Variants in ELMO1 observed in about 807,000 individuals in gnomAD.
The protein encoded by ELMO1 is engulfment and cell motility protein 1.
In ELMO1, 26 loss-of-function variants were observed where a neutral mutation model predicts 98.9. The ratio of observed to expected loss-of-function variants is 0.26; its 90% CI spans 0.19 to 0.36. The LOEUF (loss-of-function observed/expected upper bound fraction) is 0.36. ELMO1 is among the 10% of genes least tolerant of loss of function. The pLI is 1.00. For missense variants in ELMO1, 627 were observed against 935.2 expected, an observed-to-expected ratio of 0.67 and a Z score of 4.30; for synonymous variants, 346 against 346.0, an observed-to-expected ratio of 1.00 and a Z score of 0.00.
intron 15 of ELMO1, among the ~76,000 whole-genome samples, chr7:37,022,191 C>T (rs776908381): frequency 1.2e-4 from 18 of 152,100 alleles, no homozygotes; most frequent in African/African-American, 3.6e-4. Flanking sequence ...TTAAGGTGGG[C>T]GAAAGTTTCT....
chr7:37,120,312 C>T (rs757843627), intron 14 of ELMO1, among the ~76,000 whole-genome samples: 12 of 152,222 alleles, frequency 7.9e-5, no homozygotes, highest in African/African-American at 9.7e-5. Flanking sequence ...AAGCGTGACC[C>T]GAAGCAGGGA....
chr7:37,283,914 G>T (rs1236638769), intron 4 of ELMO1, among the ~76,000 whole-genome samples: 1 of 152,208 alleles, frequency 6.6e-6, no homozygotes, highest in Non-Finnish European at 1.5e-5. Flanking sequence ...GCCTGCTCTT[G>T]GTCTTTAGTT....
At chr7:37,061,311 T>C (rs1428229512) in intron 15 of ELMO1, among the ~76,000 whole-genome samples, 1 of 152,202 alleles carries the variant, frequency 6.6e-6, no homozygotes, top group Non-Finnish European at 1.5e-5. Context: ...AGAGTTAGCC[T>C]TCCTTCAAAG....
rs1158609078 is a variant in ELMO1 at position 37,165,272 on chromosome 7, T to G, written c.1087-32038A>C. Reference sequence around the variant, plus strand: ...GGGGTTTTCTAGATATTCAATCATGTCATCTGCAAACAGGGACAATTTGAC... The same window carrying G: ...GGGGTTTTCTAGATATTCAATCATGGCATCTGCAAACAGGGACAATTTGAC... On this transcript the variant is annotated intron_variant, in intron 13 of 21. Transcript: ENST00000310758. 2.6e-5 allele frequency among the ~76,000 whole-genome samples: 4 copies of G among 152,298 alleles called. No homozygotes were observed. The East Asian group carries it at 7.7e-4, about 29-fold the overall frequency.
At chr7:37,308,546 T>C (rs1798731621) in intron 4 of ELMO1, among the ~76,000 whole-genome samples, 2 of 152,212 alleles carry the variant, frequency 1.3e-5, no homozygotes, top group African/African-American at 4.8e-5. Context: ...GACACTCACA[T>C]TTCTCCTTTG....
At chr7:37,178,288 C>T (rs575867524) in intron 13 of ELMO1, among the ~76,000 whole-genome samples, 4 of 152,080 alleles carry the variant, frequency 2.6e-5, no homozygotes, top group South Asian at 2.1e-4. Context: ...AAAGGGGAAA[C>T]GTCTTACAAA....
chr7:37,165,382 C>T lies in ELMO1; in HGVS notation c.1087-32148G>A, dbSNP rs367719885. On this transcript the variant is annotated intron_variant, in intron 13 of 21. Transcript: ENST00000310758. Reference sequence around the variant, plus strand: ...GAACTTCCAACACTATGTTGAATAGCAGTGGTGAGAGAGGGCATCCCTGTC... The same window carrying T: ...GAACTTCCAACACTATGTTGAATAGTAGTGGTGAGAGAGGGCATCCCTGTC... 3.3e-5 allele frequency among the ~76,000 whole-genome samples: 5 copies of T among 151,764 alleles called. No homozygotes were observed. The South Asian group carries it at 6.3e-4, about 19-fold the overall frequency.
intron 2 of ELMO1, 109 bp from the exon 3 acceptor site, chr7:37,316,069 TTG>T: frequency 2.2e-6 from 2 of 909,296 alleles, no homozygotes; most frequent in Non-Finnish European, 3.4e-6. Flanking sequence ...GAATTTACAT[TTG>T]CTATTCTTAG....
intron 16 of ELMO1, among the ~76,000 whole-genome samples, chr7:36,914,809 G>A (rs2129069265): frequency 6.6e-6 from 1 of 152,244 alleles, no homozygotes. Flanking sequence ...ACCGCACCCA[G>A]CCGAAATGAA....
chr7:36,973,595 G>C (rs928660932), intron 16 of ELMO1, among the ~76,000 whole-genome samples: 1 of 152,134 alleles, frequency 6.6e-6, no homozygotes, highest in Non-Finnish European at 1.5e-5. Flanking sequence ...AGTCCTCACA[G>C]CCCTCGCTCG....
Position 37,096,635 on chromosome 7 carries a change from C to T in ELMO1, c.1284G>A (p.Leu428=), listed in dbSNP as rs1156463926. ...IELTKMLCEI[L]KVGELPSETC... ...TATACTTACGCAACTCGCCCACTTT[C>T]AAGATCTCACATAGCATCTTGGTCA... Residue 428 remains leucine, a synonymous_variant, in exon 15 of 22, where the codon TTG becomes TTA. Coordinates refer to ENST00000310758, the MANE Select transcript of ELMO1 (RefSeq NM_014800.11). 1.9e-6 allele frequency: 3 copies of T among 1,614,138 alleles called. No homozygotes were observed. In the Admixed American group the frequency reaches 5.0e-5, roughly 27 times the overall value.
chr7:37,281,452 A>T (rs1797137912), intron 4 of ELMO1, among the ~76,000 whole-genome samples: 1 of 152,214 alleles, frequency 6.6e-6, no homozygotes, highest in Non-Finnish European at 1.5e-5. Context: ...GGATTCCATG[A>T]AAGCAAAGAA....
chr7:37,377,185 T>G (rs1340346598), intron 1 of ELMO1, among the ~76,000 whole-genome samples: 6 of 152,126 alleles, frequency 3.9e-5, no homozygotes, highest in Admixed American at 3.9e-4. Context: ...ATATCAAAAT[T>G]CAAAATTTGA....
chr7:37,187,736 GAAATGTGA>G (rs1791303309), intron 13 of ELMO1, among the ~76,000 whole-genome samples: 1 of 152,124 alleles, frequency 6.6e-6, no homozygotes, highest in South Asian at 2.1e-4. Flanking sequence ...CAGGTGCACT[GAAATGTGA>G]TAATTTGACT....
chr7:36,919,953 A>G (rs991163670), intron 16 of ELMO1, among the ~76,000 whole-genome samples: 2 of 152,198 alleles, frequency 1.3e-5, no homozygotes, highest in Non-Finnish European at 2.9e-5. Context: ...GCCCTATGAG[A>G]TGCCAAAAGC....
chr7:37,421,640 T>A (rs1361591392), intron 1 of ELMO1, among the ~76,000 whole-genome samples: 1 of 152,214 alleles, frequency 6.6e-6, no homozygotes, highest in Non-Finnish European at 1.5e-5. Context: ...AGCACATCAA[T>A]TCATTCCTGG....
At chr7:37,371,914 G>T (rs561675557) in intron 1 of ELMO1, among the ~76,000 whole-genome samples, 1 of 152,158 alleles carries the variant, frequency 6.6e-6, no homozygotes, top group East Asian at 1.9e-4. Flanking sequence ...GTTGGGGGAG[G>T]TTGGTTCAGA....
At position 37,214,693 on chromosome 7, in the gene ELMO1, C is replaced by A. The variant is rs1256599406; in HGVS notation, c.832-1236G>T. ...AGATAACGGATGGTTAGGAGCAAATCAAACCCCTTATCCTCCAATCCTCAG... is the reference window on the plus strand; with the variant it reads ...AGATAACGGATGGTTAGGAGCAAATAAAACCCCTTATCCTCCAATCCTCAG... On this transcript the variant is annotated intron_variant, in intron 11 of 21. Coordinates refer to ENST00000310758, the MANE Select transcript of ELMO1 (RefSeq NM_014800.11). Among the ~76,000 whole-genome samples the A allele has an allele frequency of 2.0e-5, 3 of 152,192 alleles. No homozygotes were observed. The East Asian group carries it at 5.8e-4, about 29-fold the overall frequency.
intron 13 of ELMO1, among the ~76,000 whole-genome samples, chr7:37,163,001 C>T (rs1181096515): frequency 6.6e-6 from 1 of 152,162 alleles, no homozygotes; most frequent in Admixed American, 6.6e-5. Context: ...TCCAATATGA[C>T]ATTGAAAGGA....
Sources: allele counts gnomAD v4.1 joint callset (sites outside exome capture counted in the v4.1 genomes callset), GRCh38; gene constraint gnomAD v4.1.1; transcripts MANE v1.5; gene names NCBI Gene and HGNC (gene_info 2026-07-23, HGNC 2026-07-21).